SGCZ: variants seen among roughly 807,000 people sequenced by gnomAD.
SGCZ encodes zeta-sarcoglycan.
In SGCZ, 40 loss-of-function variants were observed where a neutral mutation model predicts 41.3. That is an observed-to-expected ratio of 0.97 (90% confidence interval 0.75 to 1.26). SGCZ has a LOEUF of 1.26. Among genes scored for constraint, SGCZ ranks in the 50% most tolerant of loss-of-function variants. SGCZ has a pLI of 0.00. For missense variants in SGCZ, 552 were observed against 369.8 expected, an observed-to-expected ratio of 1.49 and a Z score of -4.04; for synonymous variants, 206 against 137.5, an observed-to-expected ratio of 1.50 and a Z score of -3.49.
At chr8:15,000,105 A>G (rs1802361707) in intron 1 of SGCZ, among the ~76,000 whole-genome samples, 1 of 152,148 alleles carries the variant, frequency 6.6e-6, no homozygotes. Context: ...AGGACACCCA[A>G]AGAGGCACCA....
At chr8:14,269,662 T>C (rs1799997063) in intron 3 of SGCZ, among the ~76,000 whole-genome samples, 2 of 151,740 alleles carry the variant, frequency 1.3e-5, no homozygotes, top group South Asian at 4.2e-4. Flanking sequence ...GTGTGGAGAG[T>C]TCTTTAAGTC....
chr8:15,113,958 G>A (rs1807166457), intron 1 of SGCZ, among the ~76,000 whole-genome samples: 1 of 152,118 alleles, frequency 6.6e-6, no homozygotes, highest in African/African-American at 2.4e-5. Flanking sequence ...TCTAGGCTGT[G>A]CCTCCTCAGT....
chr8:14,164,751 A>G (rs1804157041), intron 4 of SGCZ, 49 bp from the exon 5 acceptor site: 1 of 1,593,676 alleles, frequency 6.3e-7, no homozygotes, highest in Admixed American at 1.8e-5. Context: ...GCAGGAAACC[A>G]TTAACATGTA....
chr8:15,143,068 T>C (rs1005388036), intron 1 of SGCZ, among the ~76,000 whole-genome samples: 1 of 152,232 alleles, frequency 6.6e-6, no homozygotes, highest in Admixed American at 6.5e-5. Flanking sequence ...TTGCAGTTGC[T>C]AAGGAACCAA....
chr8:14,878,040 G>C lies in SGCZ; in HGVS notation c.40-323114C>G, dbSNP rs1804430667. ...GGATTGCCTTTCTTCCCAAGTAAAT[G>C]ACAGGGATGTTCCCTGTCCTAAGTG... On this transcript the variant is annotated intron_variant, in intron 1 of 7. Coordinates refer to ENST00000382080, the MANE Select transcript of SGCZ (RefSeq NM_139167.4). Among the ~76,000 whole-genome samples, 3 of 152,086 alleles carry C rather than the reference G, an allele frequency of 2.0e-5. No individual in the cohort carries two copies. In the East Asian group the frequency reaches 5.8e-4, roughly 29 times the overall value.
intron 5 of SGCZ, among the ~76,000 whole-genome samples, chr8:14,109,489 T>A (rs1198572753): frequency 1.3e-5 from 2 of 152,162 alleles, no homozygotes; most frequent in Non-Finnish European, 2.9e-5. Context: ...TCAAAGTTCT[T>A]GCTTTAAGAA....
At chr8:14,591,013 CA>C (rs1456576635) in intron 1 of SGCZ, among the ~76,000 whole-genome samples, 2 of 150,148 alleles carry the variant, frequency 1.3e-5, no homozygotes, top group Admixed American at 6.6e-5. Flanking sequence ...ATTATGCCAT[CA>C]TTTTTTTTTC....
At chr8:14,833,237 ACAGAGTAGGTTTAGG>A (rs1239057414) in intron 1 of SGCZ, among the ~76,000 whole-genome samples, 1 of 152,186 alleles carries the variant, frequency 6.6e-6, no homozygotes, top group Non-Finnish European at 1.5e-5. Context: ...CACAAATGAC[ACAGAGTAGGTTTAGG>A]CAGAGATGAC....
chr8:14,632,005 C>A (rs1806671506), intron 1 of SGCZ, among the ~76,000 whole-genome samples: 1 of 151,520 alleles, frequency 6.6e-6, no homozygotes, highest in Admixed American at 6.6e-5. Flanking sequence ...CTTGTTAGTG[C>A]TTAAATTATT....
At chr8:14,303,610 C>G (rs137974357) in intron 3 of SGCZ, among the ~76,000 whole-genome samples, 3,417 of 152,174 alleles carry the variant, frequency 0.022, 48 homozygotes, top group Middle Eastern at 0.058. Flanking sequence ...CCGAATGACT[C>G]TAAAAAACTT....
At chr8:15,037,194 G>A (rs1803904449) in intron 1 of SGCZ, among the ~76,000 whole-genome samples, 1 of 152,116 alleles carries the variant, frequency 6.6e-6, no homozygotes, top group Non-Finnish European at 1.5e-5. Flanking sequence ...TCATAGGAGG[G>A]ACCCAGTAGG....
chr8:14,110,127 A>G (rs1802328655), intron 5 of SGCZ, among the ~76,000 whole-genome samples: 1 of 152,130 alleles, frequency 6.6e-6, no homozygotes, highest in Non-Finnish European at 1.5e-5. Context: ...TTAAAAGTAA[A>G]ACAGTAGTTT....
rs186920396 is a variant in SGCZ at position 14,700,109 on chromosome 8, T to C, written c.40-145183A>G. Among the ~76,000 whole-genome samples, 307 of 152,060 alleles carry C rather than the reference T, an allele frequency of 2.0e-3. 1 individual carries two copies. The highest frequency in any genetic ancestry group is 3.5e-3 in the Non-Finnish European group (235 of 67,940). On this transcript the variant is annotated intron_variant, in intron 1 of 7. Coordinates refer to ENST00000382080, the MANE Select transcript of SGCZ (RefSeq NM_139167.4). The stretch of plus-strand genomic sequence containing the variant: ...ATCCAACAATCCCATTAAGGGCATA[T>C]ACCCAAAAAGAAAATCAACCATTCT...
At chr8:14,495,245 T>C (rs576051439) in intron 2 of SGCZ, among the ~76,000 whole-genome samples, 1 of 152,306 alleles carries the variant, frequency 6.6e-6, no homozygotes, top group Admixed American at 6.5e-5. Flanking sequence ...AGCTGGAGTG[T>C]TAAATGTTTG....
At chr8:15,007,572 C>T (rs1053866422) in intron 1 of SGCZ, among the ~76,000 whole-genome samples, 1 of 152,168 alleles carries the variant, frequency 6.6e-6, no homozygotes, top group Non-Finnish European at 1.5e-5. Context: ...TCTCAATCGT[C>T]TCATCCGTAA....
chr8:15,116,769 T>G (rs1807285010), intron 1 of SGCZ, among the ~76,000 whole-genome samples: 1 of 152,244 alleles, frequency 6.6e-6, no homozygotes, highest in Non-Finnish European at 1.5e-5. Flanking sequence ...ATTTCTCTCT[T>G]TCCTAACATG....
chr8:14,562,502 A>G (rs778044966), intron 1 of SGCZ, among the ~76,000 whole-genome samples: 45 of 152,226 alleles, frequency 3.0e-4, no homozygotes, highest in Non-Finnish European at 5.7e-4. Context: ...TATTACAAAT[A>G]TAATGGACAT....
chr8:14,933,433 T>TTC (rs202073354), intron 1 of SGCZ, among the ~76,000 whole-genome samples: 5 of 140,222 alleles, frequency 3.6e-5, no homozygotes, highest in Non-Finnish European at 6.2e-5. Context: ...TTTTTTTTCT[T>TTC]TTTTTTTTTT....
chr8:14,817,989 G>A (rs993009463), intron 1 of SGCZ, among the ~76,000 whole-genome samples: 3 of 152,116 alleles, frequency 2.0e-5, no homozygotes, highest in Non-Finnish European at 4.4e-5. Context: ...TATGCCTGCA[G>A]GTACATTTAC....
Sources: gnomAD v4.1 joint callset for allele counts (sites outside exome capture counted in the v4.1 genomes callset) on GRCh38, gnomAD v4.1.1 for gene constraint, MANE v1.5 for transcripts, NCBI Gene and HGNC (gene_info 2026-07-23, HGNC 2026-07-21) for gene names.